Variants in LMX1B observed in about 807,000 individuals in gnomAD.
The protein encoded by LMX1B is LIM homeobox transcription factor 1-beta.
Under a neutral mutation model 51.4 loss-of-function variants are expected in LMX1B, and 12 were observed. The ratio of observed to expected loss-of-function variants is 0.23; its 90% CI spans 0.15 to 0.38. The LOEUF (loss-of-function observed/expected upper bound fraction) is 0.38. LMX1B is among the 10% of genes least tolerant of loss of function. The pLI is 1.00. For missense variants in LMX1B, 445 were observed against 571.1 expected, an observed-to-expected ratio of 0.78 and a Z score of 2.25; for synonymous variants, 237 against 235.4, an observed-to-expected ratio of 1.01 and a Z score of -0.06.
At chr9:126,656,853 A>G (rs544785210) in intron 2 of LMX1B, among the ~76,000 whole-genome samples, 4 of 152,342 alleles carry the variant, frequency 2.6e-5, no homozygotes, top group Non-Finnish European at 5.9e-5. Context: ...CCCCCAGTCC[A>G]TGGCCATCAA....
chr9:126,670,891 C>T (rs1390809250), intron 2 of LMX1B, among the ~76,000 whole-genome samples: 2 of 152,228 alleles, frequency 1.3e-5, no homozygotes, highest in African/African-American at 4.8e-5. Flanking sequence ...TAAGTGAAGA[C>T]TTACTGTGCG....
intron 2 of LMX1B, among the ~76,000 whole-genome samples, chr9:126,664,831 C>T (rs867077541): frequency 1.3e-5 from 2 of 152,270 alleles, no homozygotes; most frequent in Admixed American, 6.5e-5. Flanking sequence ...GCCAAGATCA[C>T]GCCATCGCAG....
intron 6 of LMX1B, among the ~76,000 whole-genome samples, chr9:126,694,380 A>G (rs1368260531): frequency 6.6e-6 from 1 of 152,182 alleles, no homozygotes; most frequent in Admixed American, 6.5e-5. Context: ...ACAGGATGAC[A>G]CTACCCCACT....
intron 2 of LMX1B, among the ~76,000 whole-genome samples, chr9:126,682,176 C>T (rs1836689367): frequency 6.8e-6 from 1 of 146,122 alleles, no homozygotes; most frequent in Non-Finnish European, 1.5e-5. Flanking sequence ...AATCTACAAG[C>T]CTCGGCCTTC....
rs1272791137 is a variant in LMX1B, at chr9:126,693,296, C to T, written c.714C>T (p.Phe238=). The T allele has an allele frequency of 1.6e-5, 25 of 1,607,780 alleles. No homozygotes were observed. The highest frequency in any genetic ancestry group is 7.8e-5 in the South Asian group (7 of 90,064). ...AGCGAAGAGCCTTCAAGGCCTCCTT[C>T]GAGGTCTCGTCGAAGCCTTGCCGAA... is the stretch of plus-strand genomic sequence containing the variant. The part of the protein sequence containing the change: ...TQQRRAFKAS[F]EVSSKPCRKV... The change falls in exon 4 of 8, where the codon TTC becomes TTT. Residue 238 remains phenylalanine (F), a synonymous_variant. Transcript: ENST00000373474.
intron 2 of LMX1B, among the ~76,000 whole-genome samples, chr9:126,639,632 C>T (rs1252597533): frequency 6.6e-6 from 1 of 152,194 alleles, no homozygotes; most frequent in Non-Finnish European, 1.5e-5. Context: ...CAGCCTGGCC[C>T]CTTCCCACCA....
rs567773613 is a variant in LMX1B, at chr9:126,673,545, G to T, written c.327-17291G>T. ...GATGGACAAGGGAACACAGATTTGGGGCCAAACATGAGGCCACGGGGTTTT... is the reference window on the plus strand; with the variant it reads ...GATGGACAAGGGAACACAGATTTGGTGCCAAACATGAGGCCACGGGGTTTT... On this transcript the variant is annotated intron_variant, in intron 2 of 7. Coordinates refer to ENST00000373474, the MANE Select transcript of LMX1B (RefSeq NM_001174147.2). The surrounding 1 kb of genome is among the most constrained non-coding windows in gnomAD (Gnocchi z 4.4). Among the ~76,000 whole-genome samples the T allele has an allele frequency of 2.0e-5, 3 of 152,244 alleles. No homozygotes were observed. In the East Asian group the frequency reaches 5.8e-4, roughly 29 times the overall value.
chr9:126,640,324 C>T (rs1484118644), intron 2 of LMX1B, among the ~76,000 whole-genome samples: 1 of 152,110 alleles, frequency 6.6e-6, no homozygotes, highest in African/African-American at 2.4e-5. Context: ...GAGCTCTGCA[C>T]CCTGTAGGCC....
chr9:126,693,018 G>T, intron 3 of LMX1B, 124 bp from the exon 4 acceptor site: 1 of 1,021,120 alleles, frequency 9.8e-7, no homozygotes, highest in Non-Finnish European at 1.4e-6. Context: ...GGCCACTGGG[G>T]AGCCACGGCA....
At chr9:126,661,218 CT>C (rs1807784353) in intron 2 of LMX1B, among the ~76,000 whole-genome samples, 8 of 151,476 alleles carry the variant, frequency 5.3e-5, no homozygotes, top group South Asian at 2.1e-4. Flanking sequence ...AGGGCGACCT[CT>C]CAGGCCAGCG....
intron 2 of LMX1B, among the ~76,000 whole-genome samples, chr9:126,616,051 C>CT (rs1835297897): frequency 6.6e-6 from 1 of 152,156 alleles, no homozygotes; most frequent in African/African-American, 2.4e-5. Flanking sequence ...CAAGGGAGGC[C>CT]CCCTTTCTGC....
In LMX1B at chr9:126,699,685, C is replaced by A. The variant is rs1404127928; in HGVS notation, c.*3234C>A. On this transcript the variant is annotated 3_prime_UTR_variant, in exon 8 of 8. Coordinates refer to ENST00000373474, the MANE Select transcript of LMX1B (RefSeq NM_001174147.2). ...TCTCCTAGAAGGAAAGCCAGACTCT[C>A]CGGCCCAGCCAGAGAGTCCAGACAT... 1 of 152,248 alleles carries A rather than the reference C, an allele frequency of 6.6e-6. No homozygotes were observed. The highest frequency in any genetic ancestry group is 1.5e-5 in the Non-Finnish European group (1 of 68,088). 9.4% of individuals were successfully genotyped at this position (152,248 alleles called of 1,614,324 possible).
chr9:126,676,062 A>AG (rs1425980196), intron 2 of LMX1B, among the ~76,000 whole-genome samples: 1 of 152,024 alleles, frequency 6.6e-6, no homozygotes, highest in Non-Finnish European at 1.5e-5. Flanking sequence ...AAAAAAAAAA[A>AG]AAAATGTTCA....
rs1032022225 is a variant in LMX1B at position 126,626,535 on chromosome 9, G to C, written c.326+10966G>C. Among the ~76,000 whole-genome samples, 1 of 152,122 alleles carries C rather than the reference G, an allele frequency of 6.6e-6. No individual in the cohort carries two copies. Among genetic ancestry groups the C allele is most frequent in the Non-Finnish European group, 1.5e-5 (1 of 68,008 alleles). On this transcript the variant is annotated intron_variant, in intron 2 of 7. Coordinates refer to ENST00000373474, the MANE Select transcript of LMX1B (RefSeq NM_001174147.2). This position sits in a 1 kb window ranked among gnomAD's most constrained non-coding sequence, Gnocchi z 4.3. ...GCCAGAAGCCCTGAGCTCACCTCCC[G>C]CCCGTCCTCTCCTGGAGCCCCCTCT... is the stretch of plus-strand genomic sequence containing the variant.
intron 2 of LMX1B, among the ~76,000 whole-genome samples, chr9:126,621,228 A>T (rs1784788906): frequency 6.6e-6 from 1 of 152,236 alleles, no homozygotes; most frequent in Admixed American, 6.5e-5. Context: ...AGCCTCAGCC[A>T]GGGGAGGGAG....
chr9:126,619,057 G>A (rs945824590), intron 2 of LMX1B, among the ~76,000 whole-genome samples: 3 of 152,216 alleles, frequency 2.0e-5, no homozygotes, highest in Non-Finnish European at 2.9e-5. Flanking sequence ...CCCGCTGGGG[G>A]CCCTTTGGGC....
At chr9:126,622,810 G>A (rs547363877) in intron 2 of LMX1B, among the ~76,000 whole-genome samples, 1 of 152,354 alleles carries the variant, frequency 6.6e-6, no homozygotes, top group African/African-American at 2.4e-5. Flanking sequence ...GGAAGAGCAA[G>A]CTTGTTGGCA....
rs10760451 is a variant in LMX1B at position 126,698,845 on chromosome 9, G to C, written c.*2394G>C. 68,066 of 152,164 alleles carry C rather than the reference G, an allele frequency of 0.45. 15,787 individuals carry two copies. The highest frequency in any genetic ancestry group is 0.54 in the African/African-American group (22,176 of 41,432). 9.4% of individuals were successfully genotyped at this position (152,164 alleles called of 1,614,324 possible). ...CAGAATGTCCTGGGCCAACCTCCTT[G>C]CCTGACATGTGGCCTCGTGTCACCC... On this transcript the variant is annotated 3_prime_UTR_variant, in exon 8 of 8. Transcript: ENST00000373474.
intron 2 of LMX1B, among the ~76,000 whole-genome samples, chr9:126,653,142 CTTTTTTTTTTTT>C (rs5900715): frequency 3.3e-3 from 184 of 55,402 alleles, no homozygotes; most frequent in African/African-American, 0.012. Flanking sequence ...CAAGTAGATG[CTTTTTTTTTTTT>C]TTTTTTTTTT....
Sources: gnomAD v4.1 joint callset for allele counts (sites outside exome capture counted in the v4.1 genomes callset) on GRCh38, gnomAD v4.1.1 for gene constraint, Gnocchi (gnomAD v3.1) non-coding constraint, MANE v1.5 for transcripts, NCBI Gene and HGNC (gene_info 2026-07-23, HGNC 2026-07-21) for gene names.